The following MAP3K2 variants were observed in gnomAD, a reference collection of about 807,000 sequenced individuals.
The protein encoded by MAP3K2 is MAP/ERK kinase kinase 2.
MAP3K2 carries 24 observed loss-of-function variants against 80.3 expected under a neutral mutation model. That is an observed-to-expected ratio of 0.30 (90% confidence interval 0.22 to 0.42). The LOEUF (loss-of-function observed/expected upper bound fraction) is 0.42, where lower values mean the gene tolerates loss of function less well. Among genes scored for constraint, MAP3K2 ranks in the 10% least tolerant of loss-of-function variants. MAP3K2 has a pLI of 1.00. For synonymous variants in MAP3K2, 244 were observed against 253.7 expected (o/e 0.96, Z 0.36); for missense variants, 608 against 750.1 (o/e 0.81, Z 2.21).
chr2:127,356,913 G>C (rs1686807533), intron 1 of MAP3K2, among the ~76,000 whole-genome samples: 1 of 152,098 alleles, frequency 6.6e-6, no homozygotes, highest in South Asian at 2.1e-4. Context: ...CTACACAAAA[G>C]AAATAATCAA....
intron 1 of MAP3K2, among the ~76,000 whole-genome samples, chr2:127,377,353 T>C (rs2139141): frequency 0.032 from 4,883 of 151,534 alleles, 133 homozygotes; most frequent in Admixed American, 0.061. Context: ...AAAGCAATTA[T>C]AAAAGCTATT....
At position 127,321,928 on chromosome 2, in the gene MAP3K2, C is replaced by A; in HGVS notation, c.1045+118G>T. On this transcript the variant is annotated intron_variant, in intron 12 of 16. Transcript: ENST00000682094. The surrounding 1 kb of genome is among the most constrained non-coding windows in gnomAD (Gnocchi z 4.4). The stretch of plus-strand genomic sequence containing the variant: ...ACCACCTTTAGAAACACCATTATTA[C>A]CTTTTTTGAGTAGTTCATCTGACCC... 1 of 803,176 alleles carries A rather than the reference C, an allele frequency of 1.2e-6. No individual in the cohort carries two copies. Among genetic ancestry groups the A allele is most frequent in the Non-Finnish European group, 2.0e-6 (1 of 491,914 alleles). 49.8% of individuals were successfully genotyped at this position (803,176 alleles called of 1,614,324 possible). A position where few individuals can be genotyped will look rare whatever the true frequency, so the allele number is the denominator to read the frequency against.
At chr2:127,330,296 A>T (rs2104832100) in intron 6 of MAP3K2, 96 bp downstream of exon 6, 1 of 622,794 alleles carries the variant, frequency 1.6e-6, no homozygotes, top group East Asian at 2.9e-5. Flanking sequence ...TAATGAAAAT[A>T]TTGCAATGAT....
intron 15 of MAP3K2, among the ~76,000 whole-genome samples, chr2:127,313,090 A>T (rs1685838881): frequency 6.6e-6 from 1 of 152,164 alleles, no homozygotes; most frequent in Non-Finnish European, 1.5e-5. Flanking sequence ...CATATTGCAC[A>T]TCCAATTTTA....
In MAP3K2 at chr2:127,303,233, A is replaced by T. The variant is rs2104797077; in HGVS notation, c.*4346T>A. ...CTGTCCTGATCTTAGTATAAATAAC[A>T]CTGTTGACAGAGTTCAATTTCTATC... On this transcript the variant is annotated 3_prime_UTR_variant, in exon 17 of 17. Transcript: ENST00000682094. 1 of 152,154 alleles carries T rather than the reference A, an allele frequency of 6.6e-6. No individual in the cohort carries two copies. The highest frequency in any genetic ancestry group is 6.5e-5 in the Admixed American group (1 of 15,272). 9.4% of individuals were successfully genotyped at this position (152,154 alleles called of 1,614,324 possible).
intron 1 of MAP3K2, among the ~76,000 whole-genome samples, chr2:127,381,289 C>T (rs1168558047): frequency 6.6e-6 from 1 of 152,144 alleles, no homozygotes; most frequent in African/African-American, 2.4e-5. Flanking sequence ...TCCACCCTTC[C>T]TTTATATTGT....
chr2:127,312,439 T>C (rs1166858461), intron 15 of MAP3K2, among the ~76,000 whole-genome samples: 2 of 152,142 alleles, frequency 1.3e-5, no homozygotes, highest in South Asian at 2.1e-4. Context: ...TCATGGAAAT[T>C]TGAGAAATAC....
chr2:127,363,218 CTG>C, intron 1 of MAP3K2, among the ~76,000 whole-genome samples: 1 of 152,232 alleles, frequency 6.6e-6, no homozygotes, highest in East Asian at 1.9e-4. Flanking sequence ...CAAGGGATGA[CTG>C]TGTATTACAC....
rs778507162 is a variant in MAP3K2, at chr2:127,322,033, T to C, written c.1045+13A>G. 26 of 1,606,654 alleles carry C rather than the reference T, an allele frequency of 1.6e-5. 1 individual carries two copies. The South Asian group carries it at 2.8e-4, about 17-fold the overall frequency. On this transcript the variant is annotated intron_variant, in intron 12 of 16. Transcript: ENST00000682094. The surrounding 1 kb of genome is among the most constrained non-coding windows in gnomAD (Gnocchi z 4.2). ...CTGCTCTACATTTCACTATACCAAG[T>C]TCTATTACTTACAACGGCTGGGTGG...
chr2:127,338,840 G>A (rs1447199167), intron 3 of MAP3K2, 92 bp downstream of exon 3: 9 of 827,646 alleles, frequency 1.1e-5, no homozygotes, highest in Non-Finnish European at 1.9e-6. Flanking sequence ...TGATTCGAAA[G>A]TGTAAAAGCT....
intron 1 of MAP3K2, among the ~76,000 whole-genome samples, chr2:127,370,951 G>A (rs1347199882): frequency 1.3e-5 from 2 of 152,196 alleles, no homozygotes; most frequent in African/African-American, 4.8e-5. Flanking sequence ...CAAGGGATAT[G>A]CTACAGCTGG....
chr2:127,369,031 T>A (rs1320074568), intron 1 of MAP3K2, among the ~76,000 whole-genome samples: 2 of 152,010 alleles, frequency 1.3e-5, no homozygotes, highest in African/African-American at 2.4e-5. Context: ...CACTGCAACC[T>A]CCGACTCCCT....
At chr2:127,353,231 C>T (rs1334037056) in intron 1 of MAP3K2, among the ~76,000 whole-genome samples, 1 of 151,906 alleles carries the variant, frequency 6.6e-6, no homozygotes, top group East Asian at 1.9e-4. Flanking sequence ...TCTGTCCTGC[C>T]GCCATCCCAT....
intron 6 of MAP3K2, 74 bp from the exon 7 acceptor site, chr2:127,330,082 G>C: frequency 1.2e-6 from 1 of 810,966 alleles, no homozygotes; most frequent in Non-Finnish European, 2.1e-6. Context: ...CCCCTACCAA[G>C]TACAAAACAT....
intron 1 of MAP3K2, among the ~76,000 whole-genome samples, chr2:127,352,684 C>T (rs1686711853): frequency 6.6e-6 from 1 of 151,930 alleles, no homozygotes; most frequent in Non-Finnish European, 1.5e-5. Context: ...GCTTCCCTCT[C>T]CCTCTCCCTC....
At chr2:127,337,066 C>T (rs550680756) in intron 4 of MAP3K2, among the ~76,000 whole-genome samples, 16 of 151,970 alleles carry the variant, frequency 1.1e-4, no homozygotes, top group South Asian at 2.1e-4. Context: ...TGCTTGAACC[C>T]GGGAGGTGGA....
At position 127,310,067 on chromosome 2, in the gene MAP3K2, T is replaced by G. The variant is rs900432690; in HGVS notation, c.1457-1305A>C. ...CCCACATATTTATTAAATCATTCAT[T>G]TGCATCACTATGAACATGGATATTT... On this transcript the variant is annotated intron_variant, in intron 15 of 16. Transcript: ENST00000682094. This position sits in a 1 kb window ranked among gnomAD's most constrained non-coding sequence, Gnocchi z 4.8. Among the ~76,000 whole-genome samples the G allele has an allele frequency of 6.6e-6, 1 of 152,204 alleles. No homozygotes were observed. Among genetic ancestry groups the G allele is most frequent in the Non-Finnish European group, 1.5e-5 (1 of 68,030 alleles).
rs191078070 is a variant in MAP3K2 at position 127,334,171 on chromosome 2, T to C, written c.264+1699A>G. Among the ~76,000 whole-genome samples, 74 of 151,682 alleles carry C rather than the reference T, an allele frequency of 4.9e-4. No individual in the cohort carries two copies. The Middle Eastern group carries it at 0.01, about 21-fold the overall frequency. On this transcript the variant is annotated intron_variant, in intron 5 of 16. Coordinates refer to ENST00000682094, the MANE Select transcript of MAP3K2 (RefSeq NM_001371910.2). ...AAGAAAACCCCAGAAAAAAATTACA[T>C]AGCAAACTGGGAGAAGTCACTAAAA...
chr2:127,334,546 T>G (rs1686327708), intron 5 of MAP3K2, among the ~76,000 whole-genome samples: 1 of 152,074 alleles, frequency 6.6e-6, no homozygotes, highest in African/African-American at 2.4e-5. Flanking sequence ...TCCTCCCACC[T>G]TAAATCCCCC....
Sources: gnomAD v4.1 joint callset for allele counts (sites outside exome capture counted in the v4.1 genomes callset) on GRCh38, gnomAD v4.1.1 for gene constraint, Gnocchi (gnomAD v3.1) non-coding constraint, MANE v1.5 for transcripts, NCBI Gene and HGNC (gene_info 2026-07-23, HGNC 2026-07-21) for gene names.